DMBX1: variants seen among roughly 807,000 people sequenced by gnomAD.
The protein encoded by DMBX1 is diencephalon/mesencephalon homeobox protein 1.
A neutral mutation model predicts 30.4 loss-of-function variants in DMBX1; 7 were observed. The ratio of observed to expected loss-of-function variants is 0.23; its 90% CI spans 0.13 to 0.43. The LOEUF is 0.43. Ranked by LOEUF, DMBX1 falls within the 20% of genes least tolerant of loss-of-function variation. The probability of loss-of-function intolerance (pLI) is 1.00; values close to 1 mark genes in which losing one functional copy is unlikely to be tolerated. For synonymous variants in DMBX1, 222 were observed against 214.2 expected (o/e 1.04, Z -0.32); for missense variants, 460 against 508.5 (o/e 0.90, Z 0.92).
At chr1:46,497,682 A>T (rs1004344303) in intron 2 of DMBX1, among the ~76,000 whole-genome samples, 1 of 152,208 alleles carries the variant, frequency 6.6e-6, no homozygotes, top group Non-Finnish European at 1.5e-5. Flanking sequence ...ATGCCCCCTA[A>T]TAAAATTCTG....
chr1:46,512,413 T>A lies in DMBX1; in HGVS notation c.1053T>A (p.Ser351Arg), dbSNP rs754263199. 1.2e-6 allele frequency: 2 copies of A among 1,613,738 alleles called. No homozygotes were observed. The highest frequency in any genetic ancestry group is 8.5e-7 in the Non-Finnish European group (1 of 1,179,972). ...CTCCTGCATCAGCTACCCTGAACAG[T>A]AAAACCACAAGCATCGAGAACCTGC... Reference protein sequence around the residue: ...GLAPASATLNSKTTSIENLRL... With the variant: ...GLAPASATLNRKTTSIENLRL... Residue 351 changes from serine (S) to arginine (R), a missense_variant, in exon 6 of 6, where the codon AGT becomes AGA. Around this residue, in one of 3 missense-constraint regions of DMBX1, gnomAD observed 334 missense variants for 345.1 expected, o/e 0.97. Transcript: ENST00000360032. This position sits in a 1 kb window ranked among gnomAD's most constrained non-coding sequence, Gnocchi z 4.8.
intron 2 of DMBX1, among the ~76,000 whole-genome samples, chr1:46,499,435 G>T (rs890071732): frequency 6.6e-6 from 1 of 152,190 alleles, no homozygotes; most frequent in African/African-American, 2.4e-5. Context: ...CTGTGCGACT[G>T]GGGTTGGGAA....
At chr1:46,495,639 C>T (rs1666012907) in intron 2 of DMBX1, among the ~76,000 whole-genome samples, 1 of 152,194 alleles carries the variant, frequency 6.6e-6, no homozygotes, top group South Asian at 2.1e-4. Context: ...TTAAAGAAGT[C>T]ACCGGACCCA....
intron 2 of DMBX1, among the ~76,000 whole-genome samples, chr1:46,497,175 A>G (rs1666040385): frequency 6.6e-6 from 1 of 152,100 alleles, no homozygotes. Context: ...ACCACTTACT[A>G]GCTGTGGGAC....
rs77060582 is a variant in DMBX1 at position 46,500,398 on chromosome 1, G to T, written c.-12-6601G>T. Among the ~76,000 whole-genome samples the T allele has an allele frequency of 6.1e-3, 930 of 152,198 alleles. 14 individuals carry two copies. Among genetic ancestry groups the T allele is most frequent in the East Asian group, 0.045 (231 of 5,182 alleles). ...AAGCAACAAAGCCCCTGAGTTTGGT[G>T]GGGGAGGGGCATTCCAAAAGCAGGA... On this transcript the variant is annotated intron_variant, in intron 2 of 5. Coordinates refer to ENST00000360032, the MANE Select transcript of DMBX1 (RefSeq NM_172225.2).
chr1:46,494,842 C>T (rs1444018107), intron 2 of DMBX1, among the ~76,000 whole-genome samples: 1 of 152,174 alleles, frequency 6.6e-6, no homozygotes, highest in Non-Finnish European at 1.5e-5. Context: ...TATTTGACCC[C>T]CCACAGCTCA....
At chr1:46,495,936 T>C (rs1328181440) in intron 2 of DMBX1, among the ~76,000 whole-genome samples, 1 of 152,134 alleles carries the variant, frequency 6.6e-6, no homozygotes, top group Non-Finnish European at 1.5e-5. Flanking sequence ...CAGATTTGGA[T>C]ATGGCTCTTA....
rs1201020513 is a variant in DMBX1 at position 46,493,308 on chromosome 1, C to T, written c.-13+2525C>T. On this transcript the variant is annotated intron_variant, in intron 2 of 5. Coordinates refer to ENST00000360032, the MANE Select transcript of DMBX1 (RefSeq NM_172225.2). The surrounding 1 kb of genome is among the most constrained non-coding windows in gnomAD (Gnocchi z 4.1). ...CTCCACATTCATCCTGCACTGAGTG[C>T]CTCTCCTGTCTGACCTTGAGCGAGT... 1.3e-5 allele frequency among the ~76,000 whole-genome samples: 2 copies of T among 152,192 alleles called. No homozygotes were observed. The highest frequency in any genetic ancestry group is 2.9e-5 in the Non-Finnish European group (2 of 68,038).
chr1:46,496,193 G>A lies in DMBX1; in HGVS notation c.-13+5410G>A, dbSNP rs111296612. ...AGGAATGGATATGGGGCTCTTGGAGGAGCCCCTGTAAAATAAGCGGCATCT... is the reference window on the plus strand; with the variant it reads ...AGGAATGGATATGGGGCTCTTGGAGAAGCCCCTGTAAAATAAGCGGCATCT... On this transcript the variant is annotated intron_variant, in intron 2 of 5. Coordinates refer to ENST00000360032, the MANE Select transcript of DMBX1 (RefSeq NM_172225.2). Among the ~76,000 whole-genome samples, 1,013 of 152,246 alleles carry A rather than the reference G, an allele frequency of 6.7e-3. 2 individuals are homozygous for A. Among genetic ancestry groups the A allele is most frequent in the Non-Finnish European group, 0.012 (790 of 68,014 alleles).
chr1:46,515,671 G>A lies in DMBX1; in HGVS notation c.*3177G>A, dbSNP rs995081793. The stretch of plus-strand genomic sequence containing the variant: ...TCCAAGCACACTGGTAAGCGGCACC[G>A]TGCATCTCCTCTGAGCACGCTTGTA... On this transcript the variant is annotated 3_prime_UTR_variant, in exon 6 of 6. Transcript: ENST00000360032. Among the ~76,000 whole-genome samples the A allele has an allele frequency of 6.6e-6, 1 of 152,216 alleles. No individual in the cohort carries two copies. The highest frequency in any genetic ancestry group is 1.5e-5 in the Non-Finnish European group (1 of 68,040).
At chr1:46,495,232 C>T (rs892858169) in intron 2 of DMBX1, among the ~76,000 whole-genome samples, 5 of 152,224 alleles carry the variant, frequency 3.3e-5, no homozygotes, top group Admixed American at 6.5e-5. Context: ...CCCCCAAAGT[C>T]CATCGCTCAA....
Position 46,512,627 on chromosome 1 carries a change from G to A in DMBX1, c.*133G>A, listed in dbSNP as rs562062705. 4 of 998,684 alleles carry A rather than the reference G, an allele frequency of 4.0e-6. No individual in the cohort carries two copies. Among genetic ancestry groups the A allele is most frequent in the South Asian group, 3.4e-5 (2 of 59,266 alleles). The allele number at this position is 998,684 out of a possible 1,614,324, so 61.9% of individuals were successfully genotyped here. On this transcript the variant is annotated 3_prime_UTR_variant, in exon 6 of 6. Coordinates refer to ENST00000360032, the MANE Select transcript of DMBX1 (RefSeq NM_172225.2). The surrounding 1 kb of genome is among the most constrained non-coding windows in gnomAD (Gnocchi z 4.8). ...GGCCTGGGGTCCTGTTCCCTGCTCC[G>A]CTTCCCCATACCCCAGCCCGAGGTG...
intron 2 of DMBX1, among the ~76,000 whole-genome samples, chr1:46,499,652 T>G (rs997326929): frequency 2.0e-5 from 3 of 152,228 alleles, no homozygotes; most frequent in African/African-American, 7.2e-5. Context: ...TTGTGATTAT[T>G]AATTCATCAT....
intron 2 of DMBX1, among the ~76,000 whole-genome samples, chr1:46,496,923 G>A (rs144406461): frequency 6.6e-6 from 1 of 152,334 alleles, no homozygotes; most frequent in Non-Finnish European, 1.5e-5. Context: ...AAACTGCAAA[G>A]CAGGAGGGAC....
rs561805182 is a variant in DMBX1, at chr1:46,499,525, C to T, written c.-12-7474C>T. Among the ~76,000 whole-genome samples the T allele has an allele frequency of 7.9e-4, 120 of 152,306 alleles. 1 individual carries two copies. Among genetic ancestry groups the T allele is most frequent in the African/African-American group, 2.7e-3 (112 of 41,560 alleles). ...CCTCCATGGCCTTTAGCAAATTATC[C>T]AATCTTTCTTGCCTTCCATTTCTGA... On this transcript the variant is annotated intron_variant, in intron 2 of 5. Transcript: ENST00000360032.
chr1:46,497,701 T>G (rs529541231), intron 2 of DMBX1, among the ~76,000 whole-genome samples: 17 of 152,374 alleles, frequency 1.1e-4, no homozygotes, highest in South Asian at 6.2e-4. Context: ...TGCTTGATTC[T>G]TCGATTGGCT....
Position 46,493,848 on chromosome 1 carries a change from T to C in DMBX1, c.-13+3065T>C, listed in dbSNP as rs1665979118. ...ACCCTCCTCCGAGTTCCTCCAGCCG[T>C]TTGGAGGCCCTAACTTGGGCCTAGA... On this transcript the variant is annotated intron_variant, in intron 2 of 5. Transcript: ENST00000360032. This position sits in a 1 kb window ranked among gnomAD's most constrained non-coding sequence, Gnocchi z 4.1. Among the ~76,000 whole-genome samples the C allele has an allele frequency of 1.3e-5, 2 of 152,350 alleles. No homozygotes were observed. The highest frequency in any genetic ancestry group is 4.1e-4 in the South Asian group (2 of 4,828).
chr1:46,490,459 G>A (rs1569874828), intron 1 of DMBX1, among the ~76,000 whole-genome samples, 185 bp from the exon 2 acceptor site: 1 of 152,282 alleles, frequency 6.6e-6, no homozygotes, highest in Middle Eastern at 3.4e-3. Context: ...GGCGTAATGC[G>A]GACCAGATGC....
At chr1:46,507,532 A>G (rs1446023428) in intron 3 of DMBX1, among the ~76,000 whole-genome samples, 1 of 152,194 alleles carries the variant, frequency 6.6e-6, no homozygotes, top group Non-Finnish European at 1.5e-5. Flanking sequence ...TGCCCAGGCA[A>G]GGAGAGTTCA....
Sources: gnomAD v4.1 joint callset for allele counts (sites outside exome capture counted in the v4.1 genomes callset) on GRCh38, gnomAD v4.1.1 for gene constraint, gnomAD v4.1.1 regional missense constraint, Gnocchi (gnomAD v3.1) non-coding constraint, MANE v1.5 for transcripts, NCBI Gene and HGNC (gene_info 2026-07-23, HGNC 2026-07-21) for gene names.